SNX10: variants seen among roughly 807,000 people sequenced by gnomAD.
SNX10 encodes the protein sorting nexin-10.
Under a neutral mutation model 28.5 loss-of-function variants are expected in SNX10, and 25 were observed. That is an observed-to-expected ratio of 0.88 (90% CI 0.64 to 1.22). SNX10 has a LOEUF of 1.22. SNX10 is among the 50% of genes most tolerant of loss of function. The probability of loss-of-function intolerance (pLI) is 0.00; values close to 1 mark genes in which losing one functional copy is unlikely to be tolerated. For missense variants in SNX10, 223 were observed against 242.6 expected, an observed-to-expected ratio of 0.92 and a Z score of 0.54; for synonymous variants, 62 against 81.4, an observed-to-expected ratio of 0.76 and a Z score of 1.28.
chr7:26,307,922 C>T (rs1786661424), intron 1 of SNX10, among the ~76,000 whole-genome samples: 2 of 152,134 alleles, frequency 1.3e-5, no homozygotes, highest in South Asian at 4.1e-4. Context: ...ATTTCTCTCC[C>T]TGGCAATCCT....
intron 1 of SNX10, among the ~76,000 whole-genome samples, chr7:26,345,490 G>T (rs1788347104): frequency 6.6e-6 from 1 of 152,138 alleles, no homozygotes; most frequent in Non-Finnish European, 1.5e-5. Flanking sequence ...GGTGCAGCTC[G>T]CTTGCCCCTT....
At chr7:26,324,178 A>G (rs1787409362) in intron 1 of SNX10, among the ~76,000 whole-genome samples, 1 of 152,180 alleles carries the variant, frequency 6.6e-6, no homozygotes, top group Non-Finnish European at 1.5e-5. Flanking sequence ...ATTCAGAAAC[A>G]TAGATATTTT....
At chr7:26,296,898 A>G (rs1786131696) in intron 1 of SNX10, among the ~76,000 whole-genome samples, 1 of 152,206 alleles carries the variant, frequency 6.6e-6, no homozygotes, top group Non-Finnish European at 1.5e-5. Context: ...AAGTCGAGAA[A>G]TGGTTCCATT....
chr7:26,314,078 C>T (rs1786961416), intron 1 of SNX10, among the ~76,000 whole-genome samples: 1 of 152,164 alleles, frequency 6.6e-6, no homozygotes, highest in South Asian at 2.1e-4. Context: ...TTTCAAAGTG[C>T]TGGGATTACA....
chr7:26,325,304 AAAAT>A (rs1787456728), intron 1 of SNX10, among the ~76,000 whole-genome samples: 1 of 3,922 alleles, frequency 2.5e-4, no homozygotes, highest in Non-Finnish European at 7.0e-4. Flanking sequence ...TGAAGTTTGC[AAAAT>A]ATATATATAT....
At chr7:26,345,777 T>C (rs1191247559) in intron 1 of SNX10, among the ~76,000 whole-genome samples, 4 of 152,164 alleles carry the variant, frequency 2.6e-5, no homozygotes, top group African/African-American at 4.8e-5. Context: ...GCTTTTTGTT[T>C]TTGGCAGGGA....
chr7:26,315,342 C>T (rs868219411), intron 1 of SNX10, among the ~76,000 whole-genome samples: 10 of 152,232 alleles, frequency 6.6e-5, no homozygotes, highest in Middle Eastern at 3.4e-3. Context: ...TAATCTATCC[C>T]CATTGTCCCA....
At chr7:26,349,547 C>A (rs6946449) in intron 2 of SNX10, among the ~76,000 whole-genome samples, 4,043 of 152,224 alleles carry the variant, frequency 0.027, 170 homozygotes, top group African/African-American at 0.092. Flanking sequence ...CATAAAAAGG[C>A]CTTGGCATTG....
At chr7:26,306,252 G>T (rs77153780) in intron 1 of SNX10, among the ~76,000 whole-genome samples, 1 of 151,974 alleles carries the variant, frequency 6.6e-6, no homozygotes, top group African/African-American at 2.4e-5. Flanking sequence ...CTTATCTTAG[G>T]CTTCTTAGAT....
At chr7:26,344,765 C>G (rs996880364) in intron 1 of SNX10, among the ~76,000 whole-genome samples, 1 of 152,200 alleles carries the variant, frequency 6.6e-6, no homozygotes, top group African/African-American at 2.4e-5. Flanking sequence ...AGTTCCAACC[C>G]CAGTCTGTCT....
chr7:26,318,207 G>T (rs1238040727), intron 1 of SNX10, among the ~76,000 whole-genome samples: 2 of 152,028 alleles, frequency 1.3e-5, no homozygotes, highest in African/African-American at 4.8e-5. Flanking sequence ...TACACTATTT[G>T]CCCAGTGATT....
At chr7:26,333,367 C>G (rs966492551) in intron 1 of SNX10, among the ~76,000 whole-genome samples, 2 of 147,760 alleles carry the variant, frequency 1.4e-5, no homozygotes, top group Non-Finnish European at 3.0e-5. Context: ...CTCTGTCGCC[C>G]AGGCTGGAGT....
intron 2 of SNX10, among the ~76,000 whole-genome samples, chr7:26,354,690 G>GT (rs68112310): frequency 7.5e-5 from 7 of 93,064 alleles, no homozygotes; most frequent in South Asian, 6.4e-4. Context: ...TGATAGTTTT[G>GT]TTTTTTTTTA....
At chr7:26,312,129 C>T (rs1028734870) in intron 1 of SNX10, among the ~76,000 whole-genome samples, 1 of 152,104 alleles carries the variant, frequency 6.6e-6, no homozygotes, top group Middle Eastern at 3.2e-3. Context: ...CACATTATGG[C>T]AAGGATGTAA....
chr7:26,339,278 G>A (rs1322240529), intron 1 of SNX10, among the ~76,000 whole-genome samples: 2 of 152,116 alleles, frequency 1.3e-5, no homozygotes, highest in South Asian at 2.1e-4. Flanking sequence ...TTGCAAAGGC[G>A]GTTTCAGGAT....
chr7:26,336,316 A>G (rs1787944804), intron 1 of SNX10, among the ~76,000 whole-genome samples: 1 of 152,128 alleles, frequency 6.6e-6, no homozygotes, highest in African/African-American at 2.4e-5. Context: ...CTTAGAAATG[A>G]CTACTGTTAA....
intron 1 of SNX10, 81 bp from the exon 2 acceptor site, chr7:26,346,339 T>C (rs889699442): frequency 3.5e-6 from 3 of 859,166 alleles, no homozygotes; most frequent in Non-Finnish European, 6.1e-6. Context: ...TGTCAGGGGA[T>C]TTGGGTGGGA....
At chr7:26,340,551 G>A (rs1223268153) in intron 1 of SNX10, among the ~76,000 whole-genome samples, 2 of 152,150 alleles carry the variant, frequency 1.3e-5, no homozygotes, top group Non-Finnish European at 2.9e-5. Flanking sequence ...CTTTCTCCTC[G>A]AGTTTTCGGT....
chr7:26,311,127 G>A (rs1427250828), intron 1 of SNX10, among the ~76,000 whole-genome samples: 1 of 151,834 alleles, frequency 6.6e-6, no homozygotes, highest in African/African-American at 2.4e-5. Context: ...CTGGGACAGT[G>A]GTTTAACATT....
Sources: gnomAD v4.1 joint callset for allele counts (sites outside exome capture counted in the v4.1 genomes callset) on GRCh38, gnomAD v4.1.1 for gene constraint, MANE v1.5 for transcripts, NCBI Gene and HGNC (gene_info 2026-07-23, HGNC 2026-07-21) for gene names.